Variants in SYP observed in about 807,000 individuals in gnomAD.
SYP encodes synaptophysin.
A neutral mutation model predicts 24.3 loss-of-function variants in SYP; 2 were observed. The observed-to-expected ratio is 0.08, with a 90% confidence interval of 0.03 to 0.26. The LOEUF is 0.26. Among genes scored for constraint, SYP ranks in the 10% least tolerant of loss-of-function variants. The probability of loss-of-function intolerance (pLI) is 1.00; values close to 1 mark genes in which losing one functional copy is unlikely to be tolerated. For synonymous variants in SYP, 143 were observed against 123.2 expected (o/e 1.16, Z -1.07); for missense variants, 216 against 266.3 (o/e 0.81, Z 1.32).
chrX:49,191,361 CT>C lies in SYP; in HGVS notation c.*4+71del. ...CCTTACGTACTCTCTACCCCTGACTCTTATTGGTTCACTGACCCGCTCGTCT... is the reference window on the plus strand; with the variant it reads ...CCTTACGTACTCTCTACCCCTGACTCTATTGGTTCACTGACCCGCTCGTCT... On this transcript the variant is annotated intron_variant, in intron 6 of 6. Coordinates refer to ENST00000263233, the MANE Select transcript of SYP (RefSeq NM_003179.3). 6 of 1,124,194 alleles carry C rather than the reference CT, an allele frequency of 5.3e-6. No individual in the cohort carries two copies. The South Asian group carries it at 1.2e-4, about 22-fold the overall frequency. 92.6% of individuals were successfully genotyped at this position (1,124,194 alleles called of 1,213,427 possible). A position where few individuals can be genotyped will look rare whatever the true frequency, so the allele number is the denominator to read the frequency against.
chrX:49,195,640 G>T (rs1246797008), intron 3 of SYP, among the ~76,000 whole-genome samples: 1 of 111,073 alleles, frequency 9.0e-6, no homozygotes, highest in Non-Finnish European at 1.9e-5. Context: ...AGAGGTGGGG[G>T]TTGTAGAGAG....
chrX:49,196,189 A>G (rs2065527631), intron 3 of SYP, among the ~76,000 whole-genome samples: 1 of 111,472 alleles, frequency 9.0e-6, no homozygotes. Flanking sequence ...GACTGGCTCT[A>G]AGCAGTGTCC....
chrX:49,194,430 G>C, intron 3 of SYP, 69 bp from the exon 4 acceptor site: 1 of 1,073,721 alleles, frequency 9.3e-7, no homozygotes. Flanking sequence ...CCCAATCATG[G>C]GTCCCCCCAT....
rs1557102768 is a variant in SYP at position 49,191,701 on chromosome X, T to C, written c.678A>G (p.Thr226=). 1 of 1,208,551 alleles carries C rather than the reference T, an allele frequency of 8.3e-7. No individual in the cohort carries two copies. The highest frequency in any genetic ancestry group is 1.8e-5 in the South Asian group (1 of 56,532). Residue 226 remains threonine, a synonymous_variant, in exon 6 of 7, where the codon ACA becomes ACG. Transcript: ENST00000263233. ...VGNLWFVFKE[T]GWAAPFLRAP... is the part of the protein sequence containing the mutation. ...CGCGCAGGAACGGGGCGGCCCAGCC[T>C]GTCTCCTTAAACACGAACCACAGGT... is the stretch of plus-strand genomic sequence containing the variant.
intron 5 of SYP, 96 bp from the exon 6 acceptor site, chrX:49,191,859 C>G (rs2065510917): frequency 5.1e-6 from 5 of 972,332 alleles, no homozygotes; most frequent in African/African-American, 1.9e-5. Flanking sequence ...CCGTAGGCTC[C>G]GCAAGGTGGG....
At position 49,191,707 on chromosome X, in the gene SYP, C is replaced by T. The variant is rs1557102773; in HGVS notation, c.672G>A (p.Lys224=). The T allele has an allele frequency of 1.7e-6, 2 of 1,209,118 alleles. No homozygotes were observed. Among genetic ancestry groups the T allele is most frequent in the Admixed American group, 2.2e-5 (1 of 46,034 alleles). The change falls in exon 6 of 7, where the codon AAG becomes AAA. Residue 224 remains lysine (K), a synonymous_variant. Coordinates refer to ENST00000263233, the MANE Select transcript of SYP (RefSeq NM_003179.3). ...GGAACGGGGCGGCCCAGCCTGTCTC[C>T]TTAAACACGAACCACAGGTTGCCGA... ...LWVGNLWFVF[K]ETGWAAPFLR...
At chrX:49,192,813 T>C (rs1212425175) in intron 5 of SYP, among the ~76,000 whole-genome samples, 1 of 112,139 alleles carries the variant, frequency 8.9e-6, no homozygotes, top group Non-Finnish European at 1.9e-5. Context: ...GGACCTATTA[T>C]TAGTCTTCGA....
At chrX:49,199,483 TA>T (rs1181286036) in intron 1 of SYP, among the ~76,000 whole-genome samples, 2 of 101,559 alleles carry the variant, frequency 2.0e-5, no homozygotes, top group Non-Finnish European at 4.0e-5. Flanking sequence ...GCGGTGGCGG[TA>T]GATATTTGAG....
Position 49,188,663 on chromosome X carries a change from A to G in SYP, c.*624T>C, listed in dbSNP as rs1480538879. The G allele has an allele frequency of 9.1e-6, 1 of 109,683 alleles. No homozygotes were observed. Among genetic ancestry groups the G allele is most frequent in the Non-Finnish European group, 1.9e-5 (1 of 52,637 alleles). The allele number at this position is 109,683 out of a possible 1,213,427, so 9.0% of individuals were successfully genotyped here. A position where few individuals can be genotyped will look rare whatever the true frequency, so the allele number is the denominator to read the frequency against. On this transcript the variant is annotated 3_prime_UTR_variant, in exon 7 of 7. Transcript: ENST00000263233. ...AGCGCCCTTCCAAGCCCCACCCCAG[A>G]ATGCTCTAGCGCACTCCTCTCCTTC...
At chrX:49,191,027 T>C (rs1400228633) in intron 6 of SYP, 1 of 217,005 alleles carries the variant, frequency 4.6e-6, no homozygotes, top group Admixed American at 6.6e-5. Flanking sequence ...ATTGGCCTTA[T>C]CACCTATTGG....
intron 6 of SYP, among the ~76,000 whole-genome samples, chrX:49,189,601 A>G (rs1214570380): frequency 9.0e-6 from 1 of 111,026 alleles, no homozygotes; most frequent in Non-Finnish European, 1.9e-5. Context: ...GCAGAGATAG[A>G]CTTCACACAG....
chrX:49,197,682 C>A, intron 3 of SYP, 33 bp downstream of exon 3: 1 of 1,202,227 alleles, frequency 8.3e-7, no homozygotes, highest in Non-Finnish European at 1.1e-6. Context: ...CTTCCTCTCC[C>A]AGGTCTGTTG....
chrX:49,197,656 C>T (rs781843885), intron 3 of SYP, 59 bp downstream of exon 3: 20 of 1,178,308 alleles, frequency 1.7e-5, no homozygotes, highest in Admixed American at 2.4e-5. Flanking sequence ...AGGTATTGGC[C>T]GGTTCCACCC....
At chrX:49,198,727 A>C in intron 2 of SYP, 1 of 401,795 alleles carries the variant, frequency 2.5e-6, no homozygotes. Flanking sequence ...TCAAGAGAGG[A>C]GGTAGGACGT....
intron 3 of SYP, among the ~76,000 whole-genome samples, chrX:49,196,373 C>G (rs2065528250): frequency 9.0e-6 from 1 of 111,687 alleles, no homozygotes; most frequent in Non-Finnish European, 1.9e-5. Context: ...TCTTCCATCT[C>G]CCCACTGGGT....
At chrX:49,198,819 G>C in intron 2 of SYP, 149 bp downstream of exon 2, 2 of 658,362 alleles carry the variant, frequency 3.0e-6, no homozygotes, top group Non-Finnish European at 4.8e-6. Context: ...TCAGACCCCT[G>C]AAACCTCACC....
chrX:49,189,072 T>A lies in SYP; in HGVS notation c.*215A>T, dbSNP rs1195842225. 3 of 109,579 alleles carry A rather than the reference T, an allele frequency of 2.7e-5. No individual in the cohort carries two copies. The highest frequency in any genetic ancestry group is 1.0e-4 in the African/African-American group (3 of 29,897). 9.0% of individuals were successfully genotyped at this position (109,579 alleles called of 1,213,427 possible). On this transcript the variant is annotated 3_prime_UTR_variant, in exon 7 of 7. Coordinates refer to ENST00000263233, the MANE Select transcript of SYP (RefSeq NM_003179.3). Reference sequence around the variant, plus strand: ...GGACGGGGTAAGAGAGGGGGCCCACTCAAGACTGGGCACCTAGTGGATGAG... The same window carrying A: ...GGACGGGGTAAGAGAGGGGGCCCACACAAGACTGGGCACCTAGTGGATGAG...
At chrX:49,190,249 G>A (rs2065501465) in intron 6 of SYP, among the ~76,000 whole-genome samples, 2 of 102,491 alleles carry the variant, frequency 2.0e-5, no homozygotes, top group Admixed American at 1.1e-4. Context: ...GCGCAATCTC[G>A]ACTCACTGGA....
At chrX:49,190,325 G>A (rs2065501808) in intron 6 of SYP, among the ~76,000 whole-genome samples, 1 of 109,101 alleles carries the variant, frequency 9.2e-6, no homozygotes. Context: ...AACTACAGAC[G>A]TGCGCCACCA....
Sources: gnomAD v4.1 joint callset for allele counts (sites outside exome capture counted in the v4.1 genomes callset) on GRCh38, gnomAD v4.1.1 for gene constraint, MANE v1.5 for transcripts, NCBI Gene and HGNC (gene_info 2026-07-23, HGNC 2026-07-21) for gene names.